LRFN5: variants seen among roughly 807,000 people sequenced by gnomAD.
LRFN5 encodes the protein leucine-rich repeat and fibronectin type-III domain-containing protein 5.
Under a neutral mutation model 45.6 loss-of-function variants are expected in LRFN5, and 24 were observed. The ratio of observed to expected loss-of-function variants is 0.53; its 90% CI spans 0.38 to 0.74. The LOEUF is 0.74. Among genes scored for constraint, LRFN5 ranks in the 30% least tolerant of loss-of-function variants. The pLI, the probability that LRFN5 is intolerant of heterozygous loss-of-function variation, is 0.00. For missense variants in LRFN5, 776 were observed against 861.5 expected (o/e 0.90, Z 1.24); for synonymous variants, 340 against 313.8 (o/e 1.08, Z -0.88).
At chr14:41,663,269 C>A (rs1228774596) in intron 1 of LRFN5, among the ~76,000 whole-genome samples, 8 of 152,034 alleles carry the variant, frequency 5.3e-5, no homozygotes, top group Non-Finnish European at 7.4e-5. Context: ...GTTCAGAGTT[C>A]AGATAGGTGT....
chr14:41,747,188 A>T (rs1884955348), intron 1 of LRFN5, among the ~76,000 whole-genome samples: 1 of 151,996 alleles, frequency 6.6e-6, no homozygotes, highest in Non-Finnish European at 1.5e-5. Context: ...ATTTTTAAAA[A>T]TTCTAAAACA....
intron 1 of LRFN5, among the ~76,000 whole-genome samples, chr14:41,692,674 T>G (rs1433930784): frequency 6.6e-6 from 1 of 152,182 alleles, no homozygotes; most frequent in Non-Finnish European, 1.5e-5. Flanking sequence ...TGTTTGGTTT[T>G]TTGTCCTTGC....
At chr14:41,750,414 C>T (rs1160848914) in intron 1 of LRFN5, among the ~76,000 whole-genome samples, 3 of 151,266 alleles carry the variant, frequency 2.0e-5, no homozygotes, top group Admixed American at 2.0e-4. Context: ...TGGCATAGAC[C>T]TGTGCAAGAG....
intron 1 of LRFN5, among the ~76,000 whole-genome samples, chr14:41,729,733 T>C (rs867034243): frequency 2.0e-5 from 3 of 152,098 alleles, no homozygotes; most frequent in South Asian, 2.1e-4. Flanking sequence ...TTTAAAAAAA[T>C]GAAGTTTTGT....
intron 2 of LRFN5, among the ~76,000 whole-genome samples, chr14:41,773,392 A>G (rs993423907): frequency 6.6e-6 from 1 of 152,114 alleles, no homozygotes; most frequent in African/African-American, 2.4e-5. Flanking sequence ...GTATTTCATT[A>G]TATTTTTATG....
At position 41,608,121 on chromosome 14, in the gene LRFN5, G is replaced by A. The variant is rs1489089155; in HGVS notation, c.-638G>A. 6.6e-6 allele frequency: 1 copy of A among 152,326 alleles called. No homozygotes were observed. The highest frequency in any genetic ancestry group is 1.5e-5 in the Non-Finnish European group (1 of 68,170). 9.4% of individuals were successfully genotyped at this position (152,326 alleles called of 1,614,324 possible). The stretch of plus-strand genomic sequence containing the variant: ...GAGAACGCTCTCTTTGCTGCCCGCG[G>A]TCCGGTGGGCTTCGAAGCCAATCGT... On this transcript the variant is annotated 5_prime_UTR_variant, in exon 1 of 6. Coordinates refer to ENST00000298119, the MANE Select transcript of LRFN5 (RefSeq NM_152447.5).
chr14:41,665,580 C>T (rs1055266145), intron 1 of LRFN5, among the ~76,000 whole-genome samples: 1 of 151,956 alleles, frequency 6.6e-6, no homozygotes, highest in Admixed American at 6.6e-5. Flanking sequence ...ATAAGACAGA[C>T]GTATTTGGGA....
chr14:41,843,002 C>T (rs772148492), intron 2 of LRFN5, among the ~76,000 whole-genome samples: 2 of 150,812 alleles, frequency 1.3e-5, no homozygotes, highest in Non-Finnish European at 3.0e-5. Context: ...TTATTCATAT[C>T]ATTTCTTTTT....
intron 1 of LRFN5, among the ~76,000 whole-genome samples, chr14:41,734,923 C>G (rs971398012): frequency 1.3e-5 from 2 of 151,938 alleles, no homozygotes; most frequent in African/African-American, 4.8e-5. Context: ...AAAAAAAGCT[C>G]CACTTCCCCT....
intron 1 of LRFN5, among the ~76,000 whole-genome samples, chr14:41,624,197 T>C (rs916527244): frequency 6.6e-6 from 1 of 152,098 alleles, no homozygotes; most frequent in African/African-American, 2.4e-5. Flanking sequence ...AAACATACTT[T>C]GAAATATTTA....
At chr14:41,874,845 G>A (rs1890134541) in intron 2 of LRFN5, among the ~76,000 whole-genome samples, 1 of 152,188 alleles carries the variant, frequency 6.6e-6, no homozygotes, top group Non-Finnish European at 1.5e-5. Flanking sequence ...TGTGAAAAGA[G>A]AAGCAAACAT....
At chr14:41,894,367 T>C in intron 4 of LRFN5, 1 of 858,422 alleles carries the variant, frequency 1.2e-6, no homozygotes, top group Non-Finnish European at 1.4e-6. Flanking sequence ...TCATATGAGA[T>C]TTATTTTGTT....
At chr14:41,678,341 C>T (rs10150353) in intron 1 of LRFN5, among the ~76,000 whole-genome samples, 84,154 of 151,666 alleles carry the variant, frequency 0.55, 25,476 homozygotes, top group East Asian at 0.98. Flanking sequence ...GGTTGAAAAC[C>T]TCTCAAATTT....
chr14:41,904,365 CT>C lies in LRFN5; in HGVS notation c.*194del, dbSNP rs1891192392. On this transcript the variant is annotated 3_prime_UTR_variant, in exon 6 of 6. Transcript: ENST00000298119. ...GCTCCATTAGACCATGGTTCATCCT[CT>C]TTTAAAACCAAATTTTTTTTTCTTC... 2 of 541,218 alleles carry C rather than the reference CT, an allele frequency of 3.7e-6. No homozygotes were observed. The highest frequency in any genetic ancestry group is 3.1e-5 in the East Asian group (1 of 31,804). 33.5% of individuals were successfully genotyped at this position (541,218 alleles called of 1,614,324 possible).
intron 1 of LRFN5, among the ~76,000 whole-genome samples, chr14:41,690,973 C>T (rs975718532): frequency 6.6e-6 from 1 of 151,940 alleles, no homozygotes; most frequent in Non-Finnish European, 1.5e-5. Flanking sequence ...TCATTCCTGA[C>T]ACAGAATAAA....
chr14:41,614,883 G>A (rs1382249660), intron 1 of LRFN5, among the ~76,000 whole-genome samples: 1 of 152,026 alleles, frequency 6.6e-6, no homozygotes, highest in African/African-American at 2.4e-5. Flanking sequence ...CACCAAGAGG[G>A]AAAGTATAAA....
At chr14:41,752,292 G>T (rs1328774846) in intron 1 of LRFN5, among the ~76,000 whole-genome samples, 2 of 152,118 alleles carry the variant, frequency 1.3e-5, no homozygotes, top group Non-Finnish European at 2.9e-5. Flanking sequence ...TAATAGGATG[G>T]CTGGGTCAAA....
At chr14:41,846,620 G>A (rs1240790672) in intron 2 of LRFN5, among the ~76,000 whole-genome samples, 1 of 152,096 alleles carries the variant, frequency 6.6e-6, no homozygotes, top group East Asian at 1.9e-4. Context: ...GTGGAAATTT[G>A]ATTTGTCATG....
intron 1 of LRFN5, among the ~76,000 whole-genome samples, chr14:41,719,296 T>A (rs17181615): frequency 0.16 from 23,731 of 151,990 alleles, 2,184 homozygotes; most frequent in Non-Finnish European, 0.22. Flanking sequence ...TTAGCAAGAG[T>A]AGTAGATTTT....
Sources: allele counts gnomAD v4.1 joint callset (sites outside exome capture counted in the v4.1 genomes callset), GRCh38; gene constraint gnomAD v4.1.1; transcripts MANE v1.5; gene names NCBI Gene and HGNC (gene_info 2026-07-23, HGNC 2026-07-21).